RGS5: variants seen among roughly 807,000 people sequenced by gnomAD.
RGS5 encodes regulator of G-protein signalling 5.
Under a neutral mutation model 18.9 loss-of-function variants are expected in RGS5, and 20 were observed. That is an observed-to-expected ratio of 1.06 (90% CI 0.74 to 1.54). RGS5 has a LOEUF of 1.54. Among genes scored for constraint, RGS5 ranks in the 40% most tolerant of loss-of-function variants. The probability of loss-of-function intolerance (pLI) is 0.00; values close to 1 mark genes in which losing one functional copy is unlikely to be tolerated. For synonymous variants in RGS5, 57 were observed against 76.2 expected (o/e 0.75, Z 1.31); for missense variants, 201 against 211.8 (o/e 0.95, Z 0.32).
intron 2 of RGS5, among the ~76,000 whole-genome samples, chr1:163,286,096 A>G (rs1649139553): frequency 6.6e-6 from 1 of 152,024 alleles, no homozygotes; most frequent in African/African-American, 2.4e-5. Context: ...TGGGGATTCA[A>G]CCAACCATGA....
chr1:163,237,203 G>C (rs1164978241), intron 2 of RGS5: 1 of 152,456 alleles, frequency 6.6e-6, no homozygotes, highest in African/African-American at 2.4e-5. Flanking sequence ...GGCTGCTGAT[G>C]TACTCTCCAG....
intron 1 of RGS5, among the ~76,000 whole-genome samples, chr1:163,169,760 T>C (rs1658217692): frequency 6.6e-6 from 1 of 152,202 alleles, no homozygotes. Flanking sequence ...TTTTGAGCTA[T>C]TTCCAGCTAT....
chr1:163,295,189 T>G (rs1350884861), intron 2 of RGS5, among the ~76,000 whole-genome samples: 1 of 152,178 alleles, frequency 6.6e-6, no homozygotes, highest in African/African-American at 2.4e-5. Flanking sequence ...GGTATCTTTA[T>G]AGGAGCACCC....
chr1:163,223,458 G>C lies in RGS5; in HGVS notation c.-280-55090C>G, dbSNP rs116688885. ...ATGCCTTGGGGAAGAAGTAATTGCT[G>C]TCTGGACCCCATTAAGGGATGAAGT... On this transcript the variant is annotated intron_variant, in intron 2 of 5. Transcript: ENST00000618415. 9.4e-3 allele frequency among the ~76,000 whole-genome samples: 1,427 copies of C among 152,300 alleles called. 22 individuals carry two copies. Among genetic ancestry groups the C allele is most frequent in the African/African-American group, 0.033 (1,354 of 41,558 alleles).
At position 163,240,050 on chromosome 1, in the gene RGS5, G is replaced by GT. The variant is rs1382802020; in HGVS notation, c.-281+66182_-281+66183insA. On this transcript the variant is annotated intron_variant, in intron 2 of 5. Transcript: ENST00000618415. The stretch of plus-strand genomic sequence containing the variant: ...ACTACTTTAGAAAACTGTTTAGCAG[G>GT]GTTTTTTTTTTTCATTAAAAGGAAA... Among the ~76,000 whole-genome samples the GT allele has an allele frequency of 2.5e-3, 327 of 133,024 alleles. 1 individual carries two copies. Among genetic ancestry groups the GT allele is most frequent in the African/African-American group, 8.0e-3 (322 of 40,490 alleles). 87.3% of individuals were successfully genotyped at this position (133,024 alleles called of 152,430 possible).
intron 4 of RGS5, among the ~76,000 whole-genome samples, chr1:163,148,653 A>G (rs942065257): frequency 1.3e-5 from 2 of 152,204 alleles, no homozygotes; most frequent in Non-Finnish European, 2.9e-5. Flanking sequence ...AGTAGACTCC[A>G]GCACTGGGAT....
At position 163,144,774 on chromosome 1, in the gene RGS5, T is replaced by C. The variant is rs1438403711; in HGVS notation, c.*2568A>G. On this transcript the variant is annotated 3_prime_UTR_variant, in exon 5 of 5. Transcript: ENST00000313961. ...TTACCATGGAAATTACTAGTAACAC[T>C]GGATTTTTTTCCCTCTTTTCTAAGT... is the stretch of plus-strand genomic sequence containing the variant. 2 of 152,628 alleles carry C rather than the reference T, an allele frequency of 1.3e-5. No individual in the cohort carries two copies. Among genetic ancestry groups the C allele is most frequent in the African/African-American group, 2.4e-5 (1 of 41,458 alleles). The allele number at this position is 152,628 out of a possible 1,614,324, so 9.5% of individuals were successfully genotyped here. A position where few individuals can be genotyped will look rare whatever the true frequency, so the allele number is the denominator to read the frequency against.
chr1:163,278,610 G>C (rs1648919563), intron 2 of RGS5, among the ~76,000 whole-genome samples: 1 of 151,754 alleles, frequency 6.6e-6, no homozygotes, highest in African/African-American at 2.4e-5. Flanking sequence ...AAATCACAAA[G>C]ACAAAAAATT....
intron 1 of RGS5, among the ~76,000 whole-genome samples, chr1:163,307,574 T>C (rs577514269): frequency 6.6e-6 from 1 of 152,076 alleles, no homozygotes; most frequent in Admixed American, 6.6e-5. Context: ...GAAAGTACTG[T>C]ACTTCTGCAA....
chr1:163,152,439 C>T, intron 4 of RGS5, 111 bp downstream of exon 4: 4 of 1,172,564 alleles, frequency 3.4e-6, no homozygotes, highest in Non-Finnish European at 4.8e-6. Flanking sequence ...GTGGTCGACT[C>T]ACAAATAGGA....
At chr1:163,188,125 A>T (rs1659172744) in intron 1 of RGS5, among the ~76,000 whole-genome samples, 1 of 152,092 alleles carries the variant, frequency 6.6e-6, no homozygotes, top group Non-Finnish European at 1.5e-5. Flanking sequence ...GCTGCACTGC[A>T]CTCAGTTACT....
intron 2 of RGS5, among the ~76,000 whole-genome samples, chr1:163,284,969 G>A (rs1649105419): frequency 6.6e-6 from 1 of 152,100 alleles, no homozygotes. Context: ...ACGTGCCTGG[G>A]GAGGCCTCAC....
chr1:163,305,669 T>C (rs1649676830), intron 2 of RGS5, among the ~76,000 whole-genome samples: 1 of 152,346 alleles, frequency 6.6e-6, no homozygotes, highest in African/African-American at 2.4e-5. Flanking sequence ...AAGGATTCTC[T>C]CTTCATGCTC....
At chr1:163,147,585 A>C in intron 4 of RGS5, 82 bp from the exon 5 acceptor site, 24 of 1,260,782 alleles carry the variant, frequency 1.9e-5, no homozygotes, top group East Asian at 2.6e-5. Context: ...GGAATTTCTC[A>C]TCAATAAAAC....
intron 2 of RGS5, chr1:163,260,115 T>A (rs1039539521): frequency 6.6e-6 from 1 of 152,216 alleles, no homozygotes; most frequent in Admixed American, 6.5e-5. Flanking sequence ...GAATTCAGAT[T>A]CAAAGCCTAT....
intron 2 of RGS5, among the ~76,000 whole-genome samples, chr1:163,236,960 C>CAA (rs36104212): frequency 1.7e-3 from 211 of 127,084 alleles, no homozygotes; most frequent in African/African-American, 3.4e-3. Flanking sequence ...GACTGTGTCT[C>CAA]AAAAAAAAAA....
At chr1:163,299,057 T>G (rs1029748300) in intron 2 of RGS5, among the ~76,000 whole-genome samples, 2 of 152,284 alleles carry the variant, frequency 1.3e-5, no homozygotes, top group Middle Eastern at 3.4e-3. Context: ...TTCATGGGAA[T>G]TGTTAAGCCA....
At chr1:163,179,118 G>A (rs1179037171) in intron 1 of RGS5, among the ~76,000 whole-genome samples, 1 of 152,148 alleles carries the variant, frequency 6.6e-6, no homozygotes, top group Non-Finnish European at 1.5e-5. Context: ...AGAAAGTCAA[G>A]TGGAACATTG....
In RGS5 at chr1:163,144,255, A is replaced by T. The variant is rs1657040243; in HGVS notation, c.*3087T>A. 1 of 152,150 alleles carries T rather than the reference A, an allele frequency of 6.6e-6. No homozygotes were observed. The highest frequency in any genetic ancestry group is 1.5e-5 in the Non-Finnish European group (1 of 68,018). 9.4% of individuals were successfully genotyped at this position (152,150 alleles called of 1,614,324 possible). On this transcript the variant is annotated 3_prime_UTR_variant, in exon 5 of 5. Coordinates refer to ENST00000313961, the MANE Select transcript of RGS5 (RefSeq NM_003617.4). ...TGGCGGGGAAGATGGAAGATTATTC[A>T]CATGCTTGAAGGCTATTCACACTGC... is the stretch of plus-strand genomic sequence containing the variant.
Sources: gnomAD v4.1 joint callset for allele counts (sites outside exome capture counted in the v4.1 genomes callset) on GRCh38, gnomAD v4.1.1 for gene constraint, MANE v1.5 for transcripts, NCBI Gene and HGNC (gene_info 2026-07-23, HGNC 2026-07-21) for gene names.